Variants in WRN observed in about 807,000 individuals in gnomAD.
WRN encodes the protein WRN RecQ like helicase.
In WRN, 149 loss-of-function variants were observed where a neutral mutation model predicts 180.7. The observed-to-expected ratio is 0.82, with a 90% CI of 0.72 to 0.94. The LOEUF (loss-of-function observed/expected upper bound fraction) is 0.94, where lower values mean the gene tolerates loss of function less well. Among genes scored for constraint, WRN ranks in the 40% least tolerant of loss-of-function variants. The pLI is 0.00. For missense variants in WRN, 1,661 were observed against 1,700.1 expected, an observed-to-expected ratio of 0.98 and a Z score of 0.40; for synonymous variants, 548 against 568.9, an observed-to-expected ratio of 0.96 and a Z score of 0.52.
chr8:31,171,484 T>TA (rs1415099941), intron 34 of WRN: 1 of 152,220 alleles, frequency 6.6e-6, no homozygotes, highest in African/African-American at 2.4e-5. Context: ...TATGCCACCT[T>TA]ATATCCCCAG....
At chr8:31,120,153 A>G in intron 20 of WRN, 90 bp from the exon 21 acceptor site, 4 of 1,511,632 alleles carry the variant, frequency 2.6e-6, no homozygotes, top group Non-Finnish European at 3.7e-6. Context: ...ACTTAAGTTA[A>G]CGAACAAATT....
At chr8:31,059,970 C>T (rs540902530) in intron 3 of WRN, among the ~76,000 whole-genome samples, 11 of 152,012 alleles carry the variant, frequency 7.2e-5, no homozygotes, top group African/African-American at 2.4e-4. Context: ...GCAGGAGAAT[C>T]GCTTGAACCT....
rs555702069 is a variant in WRN, at chr8:31,066,600, A to T, written c.505-433A>T. On this transcript the variant is annotated intron_variant, in intron 5 of 34. Transcript: ENST00000298139. ...ATGTATACCAGTAACTTAAAAAAAA[A>T]TTTTTTTTTTTTTAAGGGAGAGCAT... 5.9e-4 allele frequency among the ~76,000 whole-genome samples: 86 copies of T among 146,416 alleles called. 2 individuals are homozygous for T. The South Asian group carries it at 0.013, about 23-fold the overall frequency.
intron 33 of WRN, among the ~76,000 whole-genome samples, chr8:31,160,656 G>A (rs1218867383): frequency 5.3e-5 from 8 of 152,088 alleles, no homozygotes; most frequent in Admixed American, 4.6e-4. Context: ...TGCATCTTTC[G>A]ATGAGACATT....
intron 24 of WRN, among the ~76,000 whole-genome samples, chr8:31,133,685 ATAGTAGAAGTGTTGCC>A (rs1441998749): frequency 6.6e-6 from 1 of 152,226 alleles, no homozygotes; most frequent in Non-Finnish European, 1.5e-5. Flanking sequence ...TAGAAATTTA[ATAGTAGAAGTGTTGCC>A]TAAGGACTAT....
At chr8:31,056,111 T>C (rs927367636) in intron 1 of WRN, among the ~76,000 whole-genome samples, 1 of 152,232 alleles carries the variant, frequency 6.6e-6, no homozygotes, top group Non-Finnish European at 1.5e-5. Context: ...TTTAGTGTTA[T>C]AGATAGAAGG....
At chr8:31,066,494 C>T (rs1161534536) in intron 5 of WRN, among the ~76,000 whole-genome samples, 1 of 152,100 alleles carries the variant, frequency 6.6e-6, no homozygotes, top group East Asian at 1.9e-4. Context: ...TTCTCTTTTC[C>T]TTCCTCCCAG....
intron 24 of WRN, among the ~76,000 whole-genome samples, chr8:31,140,880 C>A (rs919473881): frequency 6.6e-6 from 1 of 152,006 alleles, no homozygotes; most frequent in Non-Finnish European, 1.5e-5. Context: ...CTCAGCCTCC[C>A]GAGCAGCTGG....
At chr8:31,083,280 T>C (rs1813392238) in intron 9 of WRN, among the ~76,000 whole-genome samples, 1 of 152,230 alleles carries the variant, frequency 6.6e-6, no homozygotes, top group African/African-American at 2.4e-5. Context: ...AGTAGTTTTT[T>C]GCAATCTTTT....
At chr8:31,170,556 T>C (rs1287434695) in intron 34 of WRN, among the ~76,000 whole-genome samples, 8 of 152,234 alleles carry the variant, frequency 5.3e-5, no homozygotes, top group Non-Finnish European at 1.5e-5. Flanking sequence ...AATGTGAATG[T>C]AACTTACATA....
intron 24 of WRN, among the ~76,000 whole-genome samples, chr8:31,138,873 T>C (rs1802498494): frequency 6.6e-6 from 1 of 152,234 alleles, no homozygotes; most frequent in Non-Finnish European, 1.5e-5. Context: ...TGGTGGGAAC[T>C]TACCCTGCTT....
chr8:31,063,328 T>C (rs1812565205), intron 3 of WRN, among the ~76,000 whole-genome samples: 1 of 152,262 alleles, frequency 6.6e-6, no homozygotes, highest in Admixed American at 6.5e-5. Flanking sequence ...TATATCTTAC[T>C]ATGTTTCATT....
intron 33 of WRN, among the ~76,000 whole-genome samples, chr8:31,160,117 A>G (rs895239366): frequency 2.0e-5 from 3 of 152,186 alleles, no homozygotes; most frequent in African/African-American, 7.2e-5. Context: ...AAAGGCATTA[A>G]AAATTGGGAA....
At chr8:31,062,930 G>T (rs1436575064) in intron 3 of WRN, among the ~76,000 whole-genome samples, 3 of 151,806 alleles carry the variant, frequency 2.0e-5, no homozygotes, top group African/African-American at 7.3e-5. Flanking sequence ...TTATGGGCTC[G>T]AGTGATCCTT....
chr8:31,138,618 A>G (rs1243803036), intron 24 of WRN, among the ~76,000 whole-genome samples: 1 of 152,218 alleles, frequency 6.6e-6, no homozygotes, highest in African/African-American at 2.4e-5. Context: ...TAGCACAGAC[A>G]GGACTTGTTA....
At position 31,173,840 on chromosome 8, in the gene WRN, ATC is replaced by A. The variant is rs1245580652; in HGVS notation, c.*744_*745del. 6.6e-6 allele frequency: 1 copy of A among 152,274 alleles called. No homozygotes were observed. Among genetic ancestry groups the A allele is most frequent in the African/African-American group, 2.4e-5 (1 of 41,398 alleles). 9.4% of individuals were successfully genotyped at this position (152,274 alleles called of 1,614,324 possible). ...TCCAGGATGTCAGAATTTGATTCTA[ATC>A]TCTCTTATGTAGCACATGTGACTTA... On this transcript the variant is annotated 3_prime_UTR_variant, in exon 35 of 35. Coordinates refer to ENST00000298139, the MANE Select transcript of WRN (RefSeq NM_000553.6).
At chr8:31,110,664 TTGTATAA>T (rs1801277136) in intron 18 of WRN, among the ~76,000 whole-genome samples, 1 of 152,284 alleles carries the variant, frequency 6.6e-6, no homozygotes, top group East Asian at 1.9e-4. Flanking sequence ...TATGGTTGGT[TTGTATAA>T]TAGATGCAGT....
chr8:31,048,125 T>G (rs954734924), intron 1 of WRN, among the ~76,000 whole-genome samples: 2 of 152,246 alleles, frequency 1.3e-5, no homozygotes, highest in Non-Finnish European at 2.9e-5. Context: ...GTTAGATACC[T>G]ATAAAGAAAC....
At chr8:31,124,393 G>A (rs1019997005) in intron 21 of WRN, 129 bp from the exon 22 acceptor site, 1 of 700,618 alleles carries the variant, frequency 1.4e-6, no homozygotes, top group Non-Finnish European at 2.4e-6. Flanking sequence ...TGCTAGAAAT[G>A]TTTTTTTATC....
Sources: allele counts gnomAD v4.1 joint callset (sites outside exome capture counted in the v4.1 genomes callset), GRCh38; gene constraint gnomAD v4.1.1; transcripts MANE v1.5; gene names NCBI Gene and HGNC (gene_info 2026-07-23, HGNC 2026-07-21).